Variants in FOXK2 observed in about 807,000 individuals in gnomAD.
FOXK2 encodes the protein forkhead box protein K2.
In FOXK2, 24 loss-of-function variants were observed where a neutral mutation model predicts 53.3. The ratio of observed to expected loss-of-function variants is 0.45; its 90% CI spans 0.33 to 0.63. The LOEUF (loss-of-function observed/expected upper bound fraction) is 0.63. FOXK2 is among the 30% of genes least tolerant of loss of function. The pLI, the probability that FOXK2 is intolerant of heterozygous loss-of-function variation, is 0.03. For synonymous variants in FOXK2, 505 were observed against 407.1 expected (o/e 1.24, Z -2.89); for missense variants, 952 against 910.5 (o/e 1.05, Z -0.59).
At chr17:82,555,376 C>T (rs930763430) in intron 1 of FOXK2, among the ~76,000 whole-genome samples, 3 of 152,120 alleles carry the variant, frequency 2.0e-5, no homozygotes, top group Admixed American at 6.6e-5. Flanking sequence ...TAATATTTTG[C>T]GGCTCTTTTT....
intron 1 of FOXK2, among the ~76,000 whole-genome samples, chr17:82,534,590 C>T (rs1025574926): frequency 6.6e-5 from 10 of 152,158 alleles, no homozygotes; most frequent in Non-Finnish European, 8.8e-5. Flanking sequence ...GGAGACCCTC[C>T]TGGGACTGCG....
chr17:82,578,751 T>C (rs1353211026), intron 4 of FOXK2: 1 of 152,200 alleles, frequency 6.6e-6, no homozygotes, highest in Non-Finnish European at 1.5e-5. Context: ...TGGGTTCTTT[T>C]ACGTTTTCAG....
chr17:82,593,208 G>A (rs910643273), intron 8 of FOXK2, among the ~76,000 whole-genome samples: 2 of 150,682 alleles, frequency 1.3e-5, no homozygotes, highest in Non-Finnish European at 2.9e-5. Flanking sequence ...GCCAGGCAGA[G>A]GCTCTTATTC....
At chr17:82,579,815 A>G (rs35493344) in intron 4 of FOXK2, among the ~76,000 whole-genome samples, 34 of 74,734 alleles carry the variant, frequency 4.5e-4, no homozygotes, top group African/African-American at 1.7e-3. Flanking sequence ...TCTCCATGTC[A>G]CCCATGAAGT....
rs2045337461 is a variant in FOXK2, at chr17:82,598,129, G to A, written c.1787-3174G>A. ...CCTTCTGGCTGTTTGAAACCGTATTGTTGACTCCCATCATCTCGCAGTGCT... is the reference window on the plus strand; with the variant it reads ...CCTTCTGGCTGTTTGAAACCGTATTATTGACTCCCATCATCTCGCAGTGCT... On this transcript the variant is annotated intron_variant, in intron 8 of 8. Transcript: ENST00000335255. Among the ~76,000 whole-genome samples, 4 of 146,068 alleles carry A rather than the reference G, an allele frequency of 2.7e-5. No homozygotes were observed. In the South Asian group the frequency reaches 8.5e-4, roughly 31 times the overall value.
rs1257328795 is a variant in FOXK2, at chr17:82,519,885, G to A, written c.-4G>A. On this transcript the variant is annotated 5_prime_UTR_variant, in exon 1 of 9. Coordinates refer to ENST00000335255, the MANE Select transcript of FOXK2 (RefSeq NM_004514.4). ...GAGCGGCCCGGGGGCCCTCACGCAG[G>A]CCCATGGCGGCGGCCGCGGCGGCGC... The A allele has an allele frequency of 1.0e-6, 1 of 977,668 alleles. No homozygotes were observed. The highest frequency in any genetic ancestry group is 1.8e-5 in the African/African-American group (1 of 56,414). 60.6% of individuals were successfully genotyped at this position (977,668 alleles called of 1,614,324 possible).
At chr17:82,585,470 G>A (rs981083298) in intron 6 of FOXK2, among the ~76,000 whole-genome samples, 2 of 152,072 alleles carry the variant, frequency 1.3e-5, no homozygotes, top group Admixed American at 6.6e-5. Flanking sequence ...GGCTGTAGGC[G>A]CACAGTAACA....
chr17:82,570,605 C>T (rs998700917), intron 3 of FOXK2, among the ~76,000 whole-genome samples: 13 of 152,262 alleles, frequency 8.5e-5, no homozygotes, highest in African/African-American at 3.1e-4. Flanking sequence ...TCCTGTCTGT[C>T]AGCCTGCCTG....
chr17:82,541,742 ACTTT>A (rs1567968035), intron 1 of FOXK2, among the ~76,000 whole-genome samples: 1 of 147,264 alleles, frequency 6.8e-6, no homozygotes, highest in Non-Finnish European at 1.5e-5. Flanking sequence ...ATGGAGTCTT[ACTTT>A]GTTGCCCAGG....
chr17:82,595,448 C>T (rs182989728), intron 8 of FOXK2, among the ~76,000 whole-genome samples: 41 of 152,208 alleles, frequency 2.7e-4, no homozygotes, highest in Admixed American at 9.8e-4. Context: ...ACTACAGGCA[C>T]GTACAAACAT....
At chr17:82,530,335 A>T (rs12937808) in intron 1 of FOXK2, among the ~76,000 whole-genome samples, 1 of 151,782 alleles carries the variant, frequency 6.6e-6, no homozygotes, top group East Asian at 2.0e-4. Flanking sequence ...TACTAAAAAT[A>T]CAAAATTAGC....
intron 1 of FOXK2, among the ~76,000 whole-genome samples, chr17:82,545,364 G>T (rs952826974): frequency 2.0e-5 from 3 of 152,066 alleles, no homozygotes; most frequent in African/African-American, 7.2e-5. Flanking sequence ...TGTAGGAGAC[G>T]GTGTTTGTTT....
chr17:82,582,958 G>T (rs756081203), intron 5 of FOXK2, 24 bp downstream of exon 5: 2 of 1,505,604 alleles, frequency 1.3e-6, no homozygotes, highest in East Asian at 4.9e-5. Context: ...AGAACAAAAG[G>T]CCTCACTTCG....
chr17:82,596,507 G>A, intron 8 of FOXK2, among the ~76,000 whole-genome samples: 1 of 152,282 alleles, frequency 6.6e-6, no homozygotes, highest in Admixed American at 6.5e-5. Flanking sequence ...CACGCCCCGG[G>A]ACCGCGCACA....
At position 82,586,043 on chromosome 17, in the gene FOXK2, C is replaced by T. The variant is rs146027480; in HGVS notation, c.1419C>T (p.Val473=). The T allele has an allele frequency of 3.8e-3, 6,163 of 1,612,820 alleles. 25 individuals carry two copies. The highest frequency in any genetic ancestry group is 6.5e-3 in the South Asian group (595 of 91,084). The change falls in exon 7 of 9, where the codon GTC becomes GTT. Residue 473 remains valine (V), a synonymous_variant. Coordinates refer to ENST00000335255, the MANE Select transcript of FOXK2 (RefSeq NM_004514.4). The part of the protein sequence containing the change: ...SQPPVVQTVH[V]VHQIPAVSVT... ...CACCCGTCGTGCAGACGGTTCACGT[C>T]GTCCACCAGATCCCAGCGGTGTCGG...
chr17:82,567,219 T>C (rs1160421727), intron 2 of FOXK2, among the ~76,000 whole-genome samples: 1 of 152,198 alleles, frequency 6.6e-6, no homozygotes, highest in Non-Finnish European at 1.5e-5. Flanking sequence ...ATTTGCAATG[T>C]TTTTCCCCAA....
At chr17:82,563,593 G>A in intron 2 of FOXK2, 45 bp downstream of exon 2, 1 of 1,552,106 alleles carries the variant, frequency 6.4e-7, no homozygotes, top group Non-Finnish European at 8.7e-7. Context: ...TAGTCCCAGT[G>A]GCAGCCCCAA....
chr17:82,532,492 T>G (rs1475498526), intron 1 of FOXK2, among the ~76,000 whole-genome samples: 1 of 151,936 alleles, frequency 6.6e-6, no homozygotes, highest in Non-Finnish European at 1.5e-5. Flanking sequence ...AAAAAAATTG[T>G]AAATAATTTA....
chr17:82,560,185 T>A (rs886207344), intron 1 of FOXK2, among the ~76,000 whole-genome samples: 15 of 151,890 alleles, frequency 9.9e-5, no homozygotes, highest in African/African-American at 3.6e-4. Flanking sequence ...TTTTTTTGTA[T>A]TTTTAGTAGA....
Sources: gnomAD v4.1 joint callset for allele counts (sites outside exome capture counted in the v4.1 genomes callset) on GRCh38, gnomAD v4.1.1 for gene constraint, MANE v1.5 for transcripts, NCBI Gene and HGNC (gene_info 2026-07-23, HGNC 2026-07-21) for gene names.